Variants in RERE observed in about 807,000 individuals in gnomAD.
RERE encodes arginine-glutamic acid dipeptide repeats, also known as arginine-glutamic acid dipeptide repeats protein.
Under a neutral mutation model 146.1 loss-of-function variants are expected in RERE, and 40 were observed. That is an observed-to-expected ratio of 0.27 (90% confidence interval 0.21 to 0.36). The LOEUF (loss-of-function observed/expected upper bound fraction) is 0.36, where lower values mean the gene tolerates loss of function less well. Among genes scored for constraint, RERE ranks in the 10% least tolerant of loss-of-function variants. The probability of loss-of-function intolerance (pLI) is 1.00; values close to 1 mark genes in which losing one functional copy is unlikely to be tolerated. For synonymous variants in RERE, 1,003 were observed against 866.0 expected (o/e 1.16, Z -2.78); for missense variants, 1,933 against 2,138.7 (o/e 0.90, Z 1.90).
chr1:8,809,157 A>ACAAAAAAAAAAAAAAAT, intron 1 of RERE, among the ~76,000 whole-genome samples: 1 of 146,214 alleles, frequency 6.8e-6, no homozygotes, highest in African/African-American at 2.7e-5. Context: ...AAAAAAAAAA[A>ACAAAAAAAAAAAAAAAT]AAAGTACTGA....
intron 1 of RERE, among the ~76,000 whole-genome samples, chr1:8,705,145 C>T (rs961371697): frequency 1.3e-5 from 2 of 152,140 alleles, no homozygotes; most frequent in Admixed American, 1.3e-4. Context: ...TTAAAAGTGC[C>T]AGTTTATAGT....
At chr1:8,765,362 A>G (rs1640826799) in intron 1 of RERE, among the ~76,000 whole-genome samples, 1 of 152,258 alleles carries the variant, frequency 6.6e-6, no homozygotes, top group African/African-American at 2.4e-5. Context: ...GGAAATGAGG[A>G]GTAACTGCTC....
intron 1 of RERE, among the ~76,000 whole-genome samples, chr1:8,724,858 T>C (rs1184137528): frequency 7.3e-6 from 1 of 136,920 alleles, no homozygotes; most frequent in Non-Finnish European, 1.6e-5. Flanking sequence ...ATTTACCTTT[T>C]ATTTCTAGAT....
rs1646732677 is a variant in RERE at position 8,607,530 on chromosome 1, ATTTCTTTTTTTTT to A, written c.522+7018_522+7030del. Among the ~76,000 whole-genome samples, 3 of 57,582 alleles carry A rather than the reference ATTTCTTTTTTTTT, an allele frequency of 5.2e-5. 1 individual carries two copies. Among genetic ancestry groups the A allele is most frequent in the African/African-American group, 2.0e-4 (3 of 14,712 alleles). 37.8% of individuals were successfully genotyped at this position (57,582 alleles called of 152,430 possible). On this transcript the variant is annotated intron_variant, in intron 4 of 22. Coordinates refer to ENST00000400908, the MANE Select transcript of RERE (RefSeq NM_001042681.2). ...GCCCCGCATATTTGTTTTTATATAT[ATTTCTTTTTTTTT>A]TTTTTTTTTTTTTTTTTTTTGAGAC...
chr1:8,672,430 C>T (rs1187125560), intron 1 of RERE, among the ~76,000 whole-genome samples: 1 of 152,188 alleles, frequency 6.6e-6, no homozygotes, highest in Non-Finnish European at 1.5e-5. Context: ...ACACCATGGC[C>T]TCCCAAAATC....
At chr1:8,562,935 C>T (rs1266586784) in intron 4 of RERE, among the ~76,000 whole-genome samples, 1 of 152,118 alleles carries the variant, frequency 6.6e-6, no homozygotes, top group African/African-American at 2.4e-5. Flanking sequence ...TTCTACACAT[C>T]TTTGAATAAC....
At position 8,484,221 on chromosome 1, in the gene RERE, T is replaced by C. The variant is rs1189117278; in HGVS notation, c.1104+10842A>G. On this transcript the variant is annotated intron_variant, in intron 10 of 22. Coordinates refer to ENST00000400908, the MANE Select transcript of RERE (RefSeq NM_001042681.2). Reference sequence around the variant, plus strand: ...CTCAAAGGTGGCTAAATTAACCCCATTAGGATAAGACAGATCATCTCCATG... The same window carrying C: ...CTCAAAGGTGGCTAAATTAACCCCACTAGGATAAGACAGATCATCTCCATG... 2.6e-5 allele frequency among the ~76,000 whole-genome samples: 4 copies of C among 152,130 alleles called. No homozygotes were observed. The East Asian group carries it at 5.8e-4, about 22-fold the overall frequency.
intron 7 of RERE, among the ~76,000 whole-genome samples, chr1:8,527,117 G>A (rs1448076314): frequency 1.3e-5 from 2 of 152,098 alleles, no homozygotes; most frequent in African/African-American, 2.4e-5. Context: ...TAGCACTCCC[G>A]TTTATGCTAT....
At chr1:8,503,707 A>C (rs1645212477) in intron 8 of RERE, among the ~76,000 whole-genome samples, 1 of 152,172 alleles carries the variant, frequency 6.6e-6, no homozygotes, top group Admixed American at 6.5e-5. Context: ...AATCTCATTA[A>C]AACTACACCA....
chr1:8,452,527 A>C (rs1474822522), intron 11 of RERE, among the ~76,000 whole-genome samples: 2 of 116,120 alleles, frequency 1.7e-5, no homozygotes, highest in Admixed American at 1.6e-4. Context: ...AGAAATCAAT[A>C]ATGTTTTTTC....
At chr1:8,599,550 A>G (rs1050385568) in intron 4 of RERE, among the ~76,000 whole-genome samples, 1 of 152,220 alleles carries the variant, frequency 6.6e-6, no homozygotes, top group Admixed American at 6.5e-5. Context: ...ATAAATCACA[A>G]ATCTATTCAG....
chr1:8,814,113 T>C (rs1356469063), intron 1 of RERE, among the ~76,000 whole-genome samples: 2 of 152,220 alleles, frequency 1.3e-5, no homozygotes, highest in Non-Finnish European at 2.9e-5. Context: ...GAGAAAATAA[T>C]ACATTTGAAC....
At chr1:8,510,350 G>A (rs991832565) in intron 7 of RERE, among the ~76,000 whole-genome samples, 2 of 152,160 alleles carry the variant, frequency 1.3e-5, no homozygotes, top group Non-Finnish European at 2.9e-5. Context: ...TTTCCAAGTA[G>A]AAATGAAAGC....
At chr1:8,396,728 T>C (rs1357422162) in intron 12 of RERE, among the ~76,000 whole-genome samples, 3 of 152,226 alleles carry the variant, frequency 2.0e-5, no homozygotes, top group African/African-American at 4.8e-5. Context: ...AGGCAGTTAA[T>C]ACATCTACAA....
At chr1:8,363,975 T>TC in intron 15 of RERE, 81 bp downstream of exon 15, 10 of 1,316,680 alleles carry the variant, frequency 7.6e-6, no homozygotes, top group Non-Finnish European at 1.1e-5. Flanking sequence ...TTTCGCTTCC[T>TC]CCCCCTGGGA....
At chr1:8,450,942 T>C (rs147955477) in intron 11 of RERE, among the ~76,000 whole-genome samples, 283 of 152,308 alleles carry the variant, frequency 1.9e-3, no homozygotes, top group African/African-American at 6.4e-3. Context: ...TATTCCAGCC[T>C]AGCCATCTAC....
At chr1:8,583,949 A>G (rs1361801618) in intron 4 of RERE, among the ~76,000 whole-genome samples, 1 of 151,976 alleles carries the variant, frequency 6.6e-6, no homozygotes, top group Non-Finnish European at 1.5e-5. Context: ...ACACCCCTAC[A>G]GACAAGGACA....
chr1:8,445,082 G>A (rs1038193593), intron 11 of RERE, among the ~76,000 whole-genome samples: 14 of 152,138 alleles, frequency 9.2e-5, no homozygotes, highest in African/African-American at 3.1e-4. Flanking sequence ...ATTTGGGAGT[G>A]GGTATGCGCT....
At chr1:8,713,168 A>C (rs962654527) in intron 1 of RERE, among the ~76,000 whole-genome samples, 2 of 152,210 alleles carry the variant, frequency 1.3e-5, no homozygotes, top group African/African-American at 4.8e-5. Flanking sequence ...GTAATTTATA[A>C]AGGCTAAGGA....
Sources: gnomAD v4.1 joint callset for allele counts (sites outside exome capture counted in the v4.1 genomes callset) on GRCh38, gnomAD v4.1.1 for gene constraint, MANE v1.5 for transcripts, NCBI Gene and HGNC (gene_info 2026-07-23, HGNC 2026-07-21) for gene names.